Variants in USP39 observed in about 807,000 individuals in gnomAD.
USP39 encodes the protein ubiquitin specific peptidase 39, also known as ubiquitin carboxyl-terminal hydrolase 39.
Under a neutral mutation model 66.4 loss-of-function variants are expected in USP39, and 38 were observed. That is an observed-to-expected ratio of 0.57 (90% CI 0.44 to 0.75). The LOEUF (loss-of-function observed/expected upper bound fraction) is 0.75. USP39 is among the 30% of genes least tolerant of loss of function. The pLI, the probability that USP39 is intolerant of heterozygous loss-of-function variation, is 0.00. For synonymous variants in USP39, 303 were observed against 274.6 expected, an observed-to-expected ratio of 1.10 and a Z score of -1.02; for missense variants, 608 against 714.4, an observed-to-expected ratio of 0.85 and a Z score of 1.70.
chr2:85,629,569 T>C (rs1675163305), intron 5 of USP39, among the ~76,000 whole-genome samples: 1 of 150,974 alleles, frequency 6.6e-6, no homozygotes, highest in South Asian at 2.1e-4. Flanking sequence ...CCATCTTGGC[T>C]CACTGCAACC....
upstream of USP39, among the ~76,000 whole-genome samples, chr2:85,609,835 C>T (rs1205422740): frequency 6.6e-6 from 1 of 151,946 alleles, no homozygotes; most frequent in Non-Finnish European, 1.5e-5. Flanking sequence ...CAAGTGCCAC[C>T]ACATCCAGCT....
rs754881101 is a variant in USP39 at position 85,619,275 on chromosome 2, G to A, written c.324G>A (p.Leu108=). The change falls in exon 2 of 13, where the codon CTG becomes CTA. Residue 108 remains leucine (L), a synonymous_variant. Transcript: ENST00000323701. ...EDRRSRHCPY[L]DTINRSVLDF... ...GGAGGAGCCGCCACTGCCCGTACCT[G>A]GACACCATTAACAGGTCAGTAGGAC... 1 of 1,613,680 alleles carries A rather than the reference G, an allele frequency of 6.2e-7. No homozygotes were observed. The highest frequency in any genetic ancestry group is 1.1e-5 in the South Asian group (1 of 90,948).
upstream of USP39, chr2:85,608,094 A>G (rs1673283463): frequency 6.6e-6 from 1 of 152,174 alleles, no homozygotes; most frequent in East Asian, 1.9e-4. Flanking sequence ...TTTTAGTCTG[A>G]GCAGAGGACA....
upstream of USP39, chr2:85,609,071 C>T (rs765248533): frequency 5.6e-6 from 9 of 1,614,024 alleles, no homozygotes; most frequent in East Asian, 1.1e-4. Context: ...CATCACCCTA[C>T]GTGGAGGAAG....
chr2:85,613,235 G>A (rs76849874), upstream of USP39, among the ~76,000 whole-genome samples: 12,060 of 151,980 alleles, frequency 0.079, 991 homozygotes, highest in East Asian at 0.31. Context: ...AGAGCCGGGC[G>A]TGGTGGCTCA....
At chr2:85,612,283 C>T, upstream of USP39, 1 of 1,530,948 alleles carries the variant, frequency 6.5e-7, no homozygotes. Context: ...ACAGCTGATA[C>T]CAGAACCTTC....
chr2:85,636,107 G>C lies in USP39; in HGVS notation c.1004G>C (p.Gly335Ala). ...WFLNALHSAL[G>A]GTKKKKKTIV... Reference sequence around the variant, plus strand: ...CTGAATGCTCTGCACTCAGCTCTGGGGGGCACAAAGAAGAAAAAGAAGAGT... The same window carrying C: ...CTGAATGCTCTGCACTCAGCTCTGGCGGGCACAAAGAAGAAAAAGAAGAGT... The change falls in exon 7 of 13, where the codon GGG (glycine) becomes GCG (alanine). Residue 335 changes from glycine (G) to alanine (A), a missense_variant. Gly to Ala is a moderately conservative substitution (Grantham distance 60, BLOSUM62 0). Coordinates refer to ENST00000323701, the MANE Select transcript of USP39 (RefSeq NM_006590.4). 6.2e-7 allele frequency: 1 copy of C among 1,613,944 alleles called. No individual in the cohort carries two copies. The highest frequency in any genetic ancestry group is 8.5e-7 in the Non-Finnish European group (1 of 1,179,980).
intron 11 of USP39, 194 bp downstream of exon 11, chr2:85,645,277 C>G: frequency 2.7e-6 from 1 of 367,270 alleles, no homozygotes; most frequent in Non-Finnish European, 4.8e-6. Context: ...ACCTTGGGAG[C>G]TTTTTTTTTT....
chr2:85,625,441 C>T, intron 4 of USP39, 98 bp from the exon 5 acceptor site: 1 of 1,523,248 alleles, frequency 6.6e-7, no homozygotes, highest in Non-Finnish European at 9.0e-7. Context: ...GTGGGATGTT[C>T]ATGGCCAAGT....
intron 9 of USP39, 125 bp downstream of exon 9, chr2:85,639,516 G>A (rs900442822): frequency 2.6e-5 from 26 of 1,009,632 alleles, no homozygotes; most frequent in East Asian, 1.7e-4. Flanking sequence ...GTGCAGTGGC[G>A]TGATTTCGGC....
intron 1 of USP39, among the ~76,000 whole-genome samples, chr2:85,618,260 TTAAAC>T (rs1674151061): frequency 6.7e-6 from 1 of 150,296 alleles, no homozygotes; most frequent in Non-Finnish European, 1.5e-5. Flanking sequence ...CAGCCACTCT[TTAAAC>T]TACGTAGTAC....
intron 1 of USP39, among the ~76,000 whole-genome samples, chr2:85,604,812 G>A (rs1365385714): frequency 6.6e-6 from 1 of 152,192 alleles, no homozygotes; most frequent in East Asian, 1.9e-4. Context: ...TTCTTGAGCT[G>A]GGTTTGAGTC....
chr2:85,638,237 G>T (rs1312152774), intron 8 of USP39, among the ~76,000 whole-genome samples: 4 of 151,502 alleles, frequency 2.6e-5, no homozygotes, highest in Non-Finnish European at 5.9e-5. Flanking sequence ...GGTCAGGATG[G>T]TCTCAAACTC....
intron 11 of USP39, among the ~76,000 whole-genome samples, chr2:85,647,520 T>C (rs1168860862): frequency 6.6e-6 from 1 of 150,902 alleles, no homozygotes; most frequent in Non-Finnish European, 1.5e-5. Flanking sequence ...AATTAGCCAG[T>C]TTTAGTGGCA....
chr2:85,606,840 G>A (rs1192116426), intron 1 of USP39: 1 of 150,132 alleles, frequency 6.7e-6, no homozygotes, highest in Non-Finnish European at 1.5e-5. Flanking sequence ...GAAGTGCAGT[G>A]GTGTGATCTC....
chr2:85,613,815 T>A (rs1673734104), upstream of USP39, among the ~76,000 whole-genome samples: 1 of 152,152 alleles, frequency 6.6e-6, no homozygotes, highest in South Asian at 2.1e-4. Flanking sequence ...GATCTCACTG[T>A]CGCATAGGTT....
chr2:85,639,509 C>T (rs1308096036), intron 9 of USP39, 118 bp downstream of exon 9: 4 of 1,105,454 alleles, frequency 3.6e-6, no homozygotes, highest in Middle Eastern at 3.0e-4. Context: ...GGCTGGAGTG[C>T]AGTGGCGTGA....
chr2:85,612,322 C>T (rs1175255384), upstream of USP39: 5 of 1,535,954 alleles, frequency 3.3e-6, no homozygotes, highest in Non-Finnish European at 4.4e-6. Flanking sequence ...TATAACACAA[C>T]TCGATGCTTA....
chr2:85,617,684 G>T (rs1038214112), intron 1 of USP39, among the ~76,000 whole-genome samples: 10 of 152,168 alleles, frequency 6.6e-5, no homozygotes, highest in Admixed American at 6.6e-5. Flanking sequence ...CTCTAAGCAC[G>T]GGGTTCGTCT....
Sources: allele counts gnomAD v4.1 joint callset (sites outside exome capture counted in the v4.1 genomes callset), GRCh38; gene constraint gnomAD v4.1.1; transcripts MANE v1.5; gene names NCBI Gene and HGNC (gene_info 2026-07-23, HGNC 2026-07-21).